SBF2: variants seen among roughly 807,000 people sequenced by gnomAD.
SBF2 encodes the protein SET binding factor 2, also known as myotubularin-related protein 13.
SBF2 carries 112 observed loss-of-function variants against 225.2 expected under a neutral mutation model. The ratio of observed to expected loss-of-function variants is 0.50; its 90% confidence interval spans 0.43 to 0.58. SBF2 has a LOEUF of 0.58. SBF2 is among the 20% of genes least tolerant of loss of function. The pLI is 0.00. For synonymous variants in SBF2, 763 were observed against 773.3 expected, an observed-to-expected ratio of 0.99 and a Z score of 0.22; for missense variants, 1,996 against 2,206.2, an observed-to-expected ratio of 0.90 and a Z score of 1.91.
intron 16 of SBF2, among the ~76,000 whole-genome samples, chr11:9,909,398 G>A (rs192599388): frequency 5.3e-5 from 8 of 152,052 alleles, no homozygotes; most frequent in Admixed American, 4.6e-4. Context: ...GCGGCTGGGC[G>A]CGGTGGCTTA....
chr11:9,864,479 T>C (rs1455261490), intron 17 of SBF2, among the ~76,000 whole-genome samples: 3 of 152,138 alleles, frequency 2.0e-5, no homozygotes, highest in African/African-American at 7.2e-5. Flanking sequence ...CTTGACCTCC[T>C]GGGCTCAAGC....
At chr11:9,964,229 C>T (rs1866759568) in intron 14 of SBF2, among the ~76,000 whole-genome samples, 1 of 152,230 alleles carries the variant, frequency 6.6e-6, no homozygotes, top group African/African-American at 2.4e-5. Flanking sequence ...AGCTGGGTGA[C>T]AGAGTGAGAC....
intron 16 of SBF2, among the ~76,000 whole-genome samples, chr11:9,917,168 T>A (rs1283953163): frequency 6.6e-6 from 1 of 151,816 alleles, no homozygotes; most frequent in African/African-American, 2.4e-5. Context: ...CATCTTTGAA[T>A]ATCAATGTAA....
chr11:10,230,140 G>A (rs577755399), intron 1 of SBF2, among the ~76,000 whole-genome samples: 27 of 152,206 alleles, frequency 1.8e-4, no homozygotes, highest in African/African-American at 6.3e-4. Context: ...TGCAATCCCT[G>A]CCTTTTTTTG....
intron 28 of SBF2, among the ~76,000 whole-genome samples, chr11:9,818,851 A>G (rs900540922): frequency 1.3e-5 from 2 of 152,032 alleles, no homozygotes; most frequent in African/African-American, 2.4e-5. Context: ...CCTCCCGAGT[A>G]GCTGGGATTA....
At chr11:10,144,014 C>A (rs529190386) in intron 2 of SBF2, among the ~76,000 whole-genome samples, 5 of 152,140 alleles carry the variant, frequency 3.3e-5, no homozygotes, top group African/African-American at 1.2e-4. Flanking sequence ...CCACTGTGCC[C>A]GGCCCAACAA....
chr11:9,962,704 G>A (rs147341977), intron 15 of SBF2, among the ~76,000 whole-genome samples: 1 of 152,326 alleles, frequency 6.6e-6, no homozygotes, highest in East Asian at 1.9e-4. Context: ...CATCCATAAA[G>A]ATGCCTCCTT....
At chr11:9,830,655 G>C (rs1303050092) in intron 27 of SBF2, among the ~76,000 whole-genome samples, 2 of 150,822 alleles carry the variant, frequency 1.3e-5, no homozygotes, top group Non-Finnish European at 2.9e-5. Context: ...CAGGAGAATC[G>C]CTTGAACCTT....
rs545663781 is a variant in SBF2 at position 10,204,791 on chromosome 11, G to A, written c.56-10804C>T. ...TGAGTCCATTTATATGAAATGCCCAGAAAAGTCAAATTCAAAGAGACAGGA... is the reference window on the plus strand; with the variant it reads ...TGAGTCCATTTATATGAAATGCCCAAAAAAGTCAAATTCAAAGAGACAGGA... On this transcript the variant is annotated intron_variant, in intron 1 of 39. Coordinates refer to ENST00000256190, the MANE Select transcript of SBF2 (RefSeq NM_030962.4). Among the ~76,000 whole-genome samples, 5 of 152,156 alleles carry A rather than the reference G, an allele frequency of 3.3e-5. 1 individual carries two copies. In the South Asian group the frequency reaches 1.0e-3, roughly 32 times the overall value.
At chr11:10,204,714 G>A (rs929270252) in intron 1 of SBF2, among the ~76,000 whole-genome samples, 6 of 151,164 alleles carry the variant, frequency 4.0e-5, no homozygotes, top group Non-Finnish European at 7.4e-5. Context: ...GATAATCCTT[G>A]AAAACCATAT....
At chr11:10,271,796 T>C (rs1962508751) in intron 1 of SBF2, among the ~76,000 whole-genome samples, 1 of 111,434 alleles carries the variant, frequency 9.0e-6, no homozygotes, top group Non-Finnish European at 2.1e-5. Context: ...GGTGGTAAGG[T>C]TTTTGTTTAT....
chr11:10,261,209 T>C (rs566618452), intron 1 of SBF2, among the ~76,000 whole-genome samples: 13 of 152,246 alleles, frequency 8.5e-5, no homozygotes, highest in African/African-American at 3.1e-4. Context: ...TTGTTGTAGT[T>C]GTTTTGATTT....
At chr11:10,014,487 T>G (rs1032250183) in intron 6 of SBF2, among the ~76,000 whole-genome samples, 1 of 147,226 alleles carries the variant, frequency 6.8e-6, no homozygotes, top group African/African-American at 2.5e-5. Flanking sequence ...GCTTCAGAAT[T>G]GTTTCAGCCA....
At chr11:10,252,411 T>C (rs1960444121) in intron 1 of SBF2, among the ~76,000 whole-genome samples, 1 of 152,186 alleles carries the variant, frequency 6.6e-6, no homozygotes, top group Non-Finnish European at 1.5e-5. Context: ...AAACCTAACT[T>C]AGGAGTATGT....
intron 1 of SBF2, among the ~76,000 whole-genome samples, chr11:10,247,161 C>T (rs1959884575): frequency 6.6e-6 from 1 of 152,056 alleles, no homozygotes; most frequent in Non-Finnish European, 1.5e-5. Flanking sequence ...TAACACTTTC[C>T]CAGCCAGCAC....
At chr11:10,276,070 T>C (rs1323022586) in intron 1 of SBF2, among the ~76,000 whole-genome samples, 3 of 152,194 alleles carry the variant, frequency 2.0e-5, no homozygotes, top group Non-Finnish European at 4.4e-5. Flanking sequence ...GCATAGTTTT[T>C]TACTTTCTAC....
chr11:9,989,892 G>C (rs1445162687), intron 12 of SBF2, among the ~76,000 whole-genome samples: 1 of 152,138 alleles, frequency 6.6e-6, no homozygotes, highest in African/African-American at 2.4e-5. Flanking sequence ...GAGAAATTCA[G>C]ACAGTCAGAA....
chr11:10,011,498 C>T (rs11601939), intron 6 of SBF2, among the ~76,000 whole-genome samples: 4 of 152,304 alleles, frequency 2.6e-5, no homozygotes, highest in Non-Finnish European at 5.9e-5. Flanking sequence ...GGATTTCAGG[C>T]GTGAGCCACC....
chr11:9,807,756 G>C (rs1226434199), intron 32 of SBF2: 9 of 556,426 alleles, frequency 1.6e-5, no homozygotes, highest in Non-Finnish European at 9.6e-6. Flanking sequence ...GTCATTTAGA[G>C]TGCTGGCTAC....
Sources: gnomAD v4.1 joint callset for allele counts (sites outside exome capture counted in the v4.1 genomes callset) on GRCh38, gnomAD v4.1.1 for gene constraint, MANE v1.5 for transcripts, NCBI Gene and HGNC (gene_info 2026-07-23, HGNC 2026-07-21) for gene names.